ANK3: variants seen among roughly 807,000 people sequenced by gnomAD.
ANK3 encodes ankyrin 3, also known as ankyrin-3.
Under a neutral mutation model 370.9 loss-of-function variants are expected in ANK3, and 57 were observed. The observed-to-expected ratio is 0.15, with a 90% CI of 0.12 to 0.19. ANK3 has a LOEUF of 0.19. ANK3 is among the 10% of genes least tolerant of loss of function. ANK3 has a pLI of 1.00. For missense variants in ANK3, 4,439 were observed against 5,302.1 expected (o/e 0.84, Z 5.06); for synonymous variants, 1,929 against 1,946.3 (o/e 0.99, Z 0.23).
At chr10:60,241,392 T>G (rs1351013842) in intron 7 of ANK3, among the ~76,000 whole-genome samples, 1 of 152,186 alleles carries the variant, frequency 6.6e-6, no homozygotes, top group Non-Finnish European at 1.5e-5. Context: ...ACCAAATAAA[T>G]TTTTTCCTGT....
intron 2 of ANK3, among the ~76,000 whole-genome samples, chr10:60,539,049 G>A (rs1277119427): frequency 6.6e-6 from 1 of 151,800 alleles, no homozygotes; most frequent in African/African-American, 2.4e-5. Flanking sequence ...AAGGAGGGCA[G>A]ATGCAGAGTA....
intron 1 of ANK3, among the ~76,000 whole-genome samples, chr10:60,677,687 G>A (rs1044336737): frequency 1.3e-5 from 2 of 150,226 alleles, no homozygotes; most frequent in Non-Finnish European, 2.9e-5. Flanking sequence ...TTTCATTGAA[G>A]CATTAAGTTT....
intron 7 of ANK3, among the ~76,000 whole-genome samples, chr10:60,254,557 G>A (rs12413212): frequency 0.11 from 17,456 of 152,230 alleles, 1,203 homozygotes; most frequent in South Asian, 0.2. Context: ...AAAGCTTGGC[G>A]ATAGACTTTT....
At chr10:60,294,105 T>C (rs1167387569) in intron 1 of ANK3, among the ~76,000 whole-genome samples, 1 of 152,174 alleles carries the variant, frequency 6.6e-6, no homozygotes, top group African/African-American at 2.4e-5. Context: ...CTAAAACTGG[T>C]CTAGGTAGCA....
rs1168495777 is a variant in ANK3, at chr10:60,190,725, A to G, written c.1888-3813T>C. Among the ~76,000 whole-genome samples, 3 of 152,228 alleles carry G rather than the reference A, an allele frequency of 2.0e-5. No homozygotes were observed. The East Asian group carries it at 5.8e-4, about 29-fold the overall frequency. On this transcript the variant is annotated intron_variant, in intron 16 of 43. Transcript: ENST00000280772. ...TCAACCTCATTTTTCACAGAATTAG[A>G]AAAAGCAATCCTAAAATTCATACGG...
chr10:60,111,710 T>G (rs1204990844), intron 26 of ANK3: 1 of 452,142 alleles, frequency 2.2e-6, no homozygotes, highest in African/African-American at 2.0e-5. Context: ...AAAGGATGGT[T>G]CACATAAAGG....
intron 1 of ANK3, among the ~76,000 whole-genome samples, chr10:60,326,354 C>A (rs2049868054): frequency 6.6e-6 from 1 of 152,066 alleles, no homozygotes; most frequent in South Asian, 2.1e-4. Flanking sequence ...TTGACACAAG[C>A]CTCCATGTGT....
intron 1 of ANK3, among the ~76,000 whole-genome samples, chr10:60,301,912 T>C (rs961741927): frequency 1.3e-5 from 2 of 152,218 alleles, no homozygotes; most frequent in African/African-American, 4.8e-5. Context: ...TTCTAATCAA[T>C]AGTTCTCTTA....
rs187577613 is a variant in ANK3, at chr10:60,474,734, T to C, written c.96+140452A>G. 5.1e-3 allele frequency among the ~76,000 whole-genome samples: 782 copies of C among 152,298 alleles called. 5 individuals are homozygous for C. The highest frequency in any genetic ancestry group is 0.014 in the Middle Eastern group (4 of 294). ...GAATTTAAAACCTAATTATTACATA[T>C]GCAAGTCTATTTGTTTTTTAAATAT... On this transcript the variant is annotated intron_variant, in intron 2 of 43. Transcript: ENST00000373827.
At chr10:60,638,866 G>A (rs1025265367) in intron 1 of ANK3, among the ~76,000 whole-genome samples, 2 of 152,004 alleles carry the variant, frequency 1.3e-5, no homozygotes, top group South Asian at 2.1e-4. Flanking sequence ...GATTGAAAAC[G>A]TGAACAGAGT....
intron 2 of ANK3, among the ~76,000 whole-genome samples, chr10:60,504,154 TAAAA>T (rs2075873296): frequency 6.6e-6 from 1 of 152,186 alleles, no homozygotes; most frequent in African/African-American, 2.4e-5. Context: ...ATCCAAAACC[TAAAA>T]ACATGATGCT....
At chr10:60,669,483 C>A (rs534022051) in intron 1 of ANK3, among the ~76,000 whole-genome samples, 2 of 152,178 alleles carry the variant, frequency 1.3e-5, no homozygotes, top group Non-Finnish European at 2.9e-5. Flanking sequence ...CTTCAACCCA[C>A]TTTTGTCTGG....
intron 1 of ANK3, among the ~76,000 whole-genome samples, chr10:60,356,048 G>A (rs145979697): frequency 1.7e-4 from 26 of 152,280 alleles, no homozygotes; most frequent in Non-Finnish European, 2.6e-4. Context: ...TCACAAGAAC[G>A]AACAAAATAT....
intron 1 of ANK3, among the ~76,000 whole-genome samples, chr10:60,331,457 G>A (rs1432382323): frequency 6.6e-6 from 1 of 151,104 alleles, no homozygotes; most frequent in Non-Finnish European, 1.5e-5. Context: ...TGGTTGACGA[G>A]TTAACAGACG....
intron 1 of ANK3, among the ~76,000 whole-genome samples, chr10:60,669,241 A>T (rs1326856760): frequency 6.6e-6 from 1 of 152,198 alleles, no homozygotes; most frequent in Non-Finnish European, 1.5e-5. Flanking sequence ...GCTTCTGACA[A>T]ATGTCGGCAC....
intron 2 of ANK3, among the ~76,000 whole-genome samples, chr10:60,395,180 C>T (rs553041756): frequency 9.9e-5 from 15 of 152,104 alleles, no homozygotes; most frequent in Non-Finnish European, 2.2e-4. Flanking sequence ...TCAAATATTT[C>T]TGACAAAAAT....
At chr10:60,064,370 A>AAAAAG in intron 38 of ANK3, 82 bp from the exon 39 acceptor site, 1 of 1,393,056 alleles carries the variant, frequency 7.2e-7, no homozygotes, top group Non-Finnish European at 9.7e-7. Context: ...CAATTGCCAC[A>AAAAAG]AAAAGAAAAG....
chr10:60,236,352 A>G (rs547649883), intron 7 of ANK3, among the ~76,000 whole-genome samples: 15 of 150,386 alleles, frequency 1.0e-4, no homozygotes, highest in African/African-American at 3.5e-4. Flanking sequence ...AAATTCTCCC[A>G]TTATCTCCAA....
chr10:60,525,765 C>T (rs1329339419), intron 2 of ANK3, among the ~76,000 whole-genome samples: 2 of 152,040 alleles, frequency 1.3e-5, no homozygotes, highest in Non-Finnish European at 2.9e-5. Flanking sequence ...AATAGAATGC[C>T]CACATTATTC....
Sources: gnomAD v4.1 joint callset for allele counts (sites outside exome capture counted in the v4.1 genomes callset) on GRCh38, gnomAD v4.1.1 for gene constraint, MANE v1.5 for transcripts, NCBI Gene and HGNC (gene_info 2026-07-23, HGNC 2026-07-21) for gene names.